Variants in FRYL observed in about 807,000 individuals in gnomAD.
The protein encoded by FRYL is FRY like transcription coactivator, also known as protein furry homolog-like.
Under a neutral mutation model 351.2 loss-of-function variants are expected in FRYL, and 150 were observed. The observed-to-expected ratio is 0.43, with a 90% CI of 0.37 to 0.49. The LOEUF is 0.49. FRYL is among the 20% of genes least tolerant of loss of function. The pLI, the probability that FRYL is intolerant of heterozygous loss-of-function variation, is 0.00. For missense variants in FRYL, 3,036 were observed against 3,619.3 expected, an observed-to-expected ratio of 0.84 and a Z score of 4.13; for synonymous variants, 1,153 against 1,257.1, an observed-to-expected ratio of 0.92 and a Z score of 1.75.
At chr4:48,710,813 G>A (rs1767910975) in intron 1 of FRYL, 115 bp from the exon 2 acceptor site, 1 of 386,764 alleles carries the variant, frequency 2.6e-6, no homozygotes, top group East Asian at 3.7e-5. Context: ...TTCCTCAAAG[G>A]TGAAACATCA....
rs769416476 is a variant in FRYL, at chr4:48,515,039, G to A, written c.7926C>T (p.Ser2642=). The A allele has an allele frequency of 1.1e-5, 18 of 1,613,492 alleles. No individual in the cohort carries two copies. The highest frequency in any genetic ancestry group is 2.7e-5 in the African/African-American group (2 of 74,984). The change falls in exon 56 of 64, where the codon TCC becomes TCT. Residue 2642 remains serine (S), a synonymous_variant. Coordinates refer to ENST00000358350, the MANE Select transcript of FRYL (RefSeq NM_015030.2). ...ERCEEEEADF[S]GLSSQDEEEQ... is the part of the protein sequence containing the mutation. Reference sequence around the variant, plus strand: ...TACTGTATTCTCACCTAGACAGTCCGGAGAAATCCGCTTCTTCTTCTTCAC... The same window carrying A: ...TACTGTATTCTCACCTAGACAGTCCAGAGAAATCCGCTTCTTCTTCTTCAC...
intron 1 of FRYL, among the ~76,000 whole-genome samples, chr4:48,752,034 G>T (rs1008829911): frequency 3.3e-5 from 5 of 152,180 alleles, no homozygotes; most frequent in African/African-American, 1.2e-4. Context: ...TCAATGATAA[G>T]ATGAGAGATC....
intron 55 of FRYL, among the ~76,000 whole-genome samples, chr4:48,517,442 A>C (rs1468848026): frequency 6.6e-6 from 1 of 152,222 alleles, no homozygotes; most frequent in Non-Finnish European, 1.5e-5. Context: ...TATCACGAAG[A>C]AAGTGCTTTT....
chr4:48,750,202 T>C (rs572097953), intron 1 of FRYL, among the ~76,000 whole-genome samples: 3 of 148,006 alleles, frequency 2.0e-5, no homozygotes, highest in African/African-American at 7.5e-5. Context: ...GGCTCACGCG[T>C]ATAATACTAG....
At chr4:48,643,543 C>T (rs974610711) in intron 3 of FRYL, among the ~76,000 whole-genome samples, 2 of 152,142 alleles carry the variant, frequency 1.3e-5, no homozygotes, top group African/African-American at 4.8e-5. Flanking sequence ...ATAATATAGG[C>T]TGCAAAACAA....
intron 20 of FRYL, 37 bp from the exon 21 acceptor site, chr4:48,581,642 A>G (rs960931326): frequency 6.5e-7 from 1 of 1,527,264 alleles, no homozygotes. Context: ...ATATAAAAAT[A>G]TATGCACAGA....
At chr4:48,604,883 C>T (rs1746450088) in intron 11 of FRYL, among the ~76,000 whole-genome samples, 1 of 151,914 alleles carries the variant, frequency 6.6e-6, no homozygotes, top group Non-Finnish European at 1.5e-5. Flanking sequence ...GACGAACTGC[C>T]TTAAAAACTA....
Position 48,542,113 on chromosome 4 carries a change from CACA to C in FRYL, c.5598_5600del (p.Phe1866_Val1867delinsLeu). 1.2e-6 allele frequency: 2 copies of C among 1,612,612 alleles called. No individual in the cohort carries two copies. The highest frequency in any genetic ancestry group is 1.7e-6 in the Non-Finnish European group (2 of 1,178,716). ...ATTCCAATGTGAGAAGAAGCTCAATCACAAATCCCTGGGGGGAAAAAGGCAGAT... is the reference window on the plus strand; with the variant it reads ...ATTCCAATGTGAGAAGAAGCTCAATCAATCCCTGGGGGGAAAAAGGCAGAT... On this transcript the variant is annotated inframe_deletion, in exon 45 of 64. Transcript: ENST00000358350.
intron 45 of FRYL, among the ~76,000 whole-genome samples, chr4:48,541,293 C>T (rs1730108202): frequency 6.6e-6 from 1 of 152,172 alleles, no homozygotes; most frequent in Non-Finnish European, 1.5e-5. Context: ...TGTCCTCAAA[C>T]TTGATGGTCC....
intron 1 of FRYL, among the ~76,000 whole-genome samples, chr4:48,743,348 T>C (rs1304293910): frequency 6.6e-6 from 1 of 152,154 alleles, no homozygotes; most frequent in Non-Finnish European, 1.5e-5. Flanking sequence ...CAAAGAGGCT[T>C]AGAGATGACT....
intron 1 of FRYL, among the ~76,000 whole-genome samples, chr4:48,754,476 G>C (rs1189926067): frequency 6.6e-6 from 1 of 152,108 alleles, no homozygotes; most frequent in African/African-American, 2.4e-5. Flanking sequence ...TTGAATACCT[G>C]TTTTCAGTTA....
chr4:48,543,394 GATAT>G (rs1730656511), intron 44 of FRYL, among the ~76,000 whole-genome samples: 1 of 152,142 alleles, frequency 6.6e-6, no homozygotes, highest in Non-Finnish European at 1.5e-5. Flanking sequence ...CTGTATCCCT[GATAT>G]TTATAACAGC....
intron 18 of FRYL, among the ~76,000 whole-genome samples, chr4:48,588,625 T>C (rs964715867): frequency 2.0e-5 from 3 of 152,138 alleles, no homozygotes; most frequent in Admixed American, 6.5e-5. Context: ...GAATTCCCCA[T>C]AGGTAACTGT....
chr4:48,725,847 A>G (rs1323264929), intron 1 of FRYL, among the ~76,000 whole-genome samples: 1 of 152,206 alleles, frequency 6.6e-6, no homozygotes, highest in Non-Finnish European at 1.5e-5. Context: ...TTATTTAGGA[A>G]TTAAACTTTA....
At chr4:48,767,581 A>G (rs1263482348) in intron 1 of FRYL, among the ~76,000 whole-genome samples, 1 of 152,222 alleles carries the variant, frequency 6.6e-6, no homozygotes, top group Non-Finnish European at 1.5e-5. Context: ...ATACTGCATG[A>G]TCTCACTAAT....
intron 15 of FRYL, among the ~76,000 whole-genome samples, 164 bp downstream of exon 15, chr4:48,595,426 C>T (rs1383819293): frequency 6.6e-6 from 1 of 152,176 alleles, no homozygotes. Flanking sequence ...CAAAGTGCTG[C>T]CACCTGTGGG....
chr4:48,630,237 C>T (rs1434858391), intron 4 of FRYL, among the ~76,000 whole-genome samples: 1 of 152,068 alleles, frequency 6.6e-6, no homozygotes, highest in Non-Finnish European at 1.5e-5. Flanking sequence ...CACTGGACTT[C>T]CAATCAACTG....
rs561241110 is a variant in FRYL, at chr4:48,597,157, T to G, written c.1036-1157A>C. Among the ~76,000 whole-genome samples, 9 of 152,218 alleles carry G rather than the reference T, an allele frequency of 5.9e-5. No homozygotes were observed. The East Asian group carries it at 1.7e-3, about 29-fold the overall frequency. ...TACTACAAATATAACAACCAAGCAT[T>G]TTGTAGTAATGTCTTTGAGAAAACA... On this transcript the variant is annotated intron_variant, in intron 13 of 63. Coordinates refer to ENST00000358350, the MANE Select transcript of FRYL (RefSeq NM_015030.2).
chr4:48,541,999 T>C (rs1730282931), intron 45 of FRYL, 28 bp downstream of exon 45: 2 of 1,480,454 alleles, frequency 1.4e-6, no homozygotes, highest in East Asian at 2.3e-5. Context: ...GTTCTCTCTA[T>C]ATTAGGTTGC....
Sources: allele counts gnomAD v4.1 joint callset (sites outside exome capture counted in the v4.1 genomes callset), GRCh38; gene constraint gnomAD v4.1.1; transcripts MANE v1.5; gene names NCBI Gene and HGNC (gene_info 2026-07-23, HGNC 2026-07-21).